Variants in PCDHAC2 observed in about 807,000 individuals in gnomAD.
PCDHAC2 encodes the protein protocadherin alpha subfamily C, 2.
PCDHAC2 carries 24 observed loss-of-function variants against 63.3 expected under a neutral mutation model. That is an observed-to-expected ratio of 0.38 (90% CI 0.27 to 0.53). The LOEUF (loss-of-function observed/expected upper bound fraction) is 0.53, where lower values mean the gene tolerates loss of function less well. Among genes scored for constraint, PCDHAC2 ranks in the 20% least tolerant of loss-of-function variants. PCDHAC2 has a pLI of 0.81. For missense variants in PCDHAC2, 1,181 were observed against 1,275.2 expected, an observed-to-expected ratio of 0.93 and a Z score of 1.12; for synonymous variants, 569 against 529.4, an observed-to-expected ratio of 1.07 and a Z score of -1.03.
Position 140,978,928 on chromosome 5 carries a change from ACT to A in PCDHAC2, c.2566-16_2566-15del. ...CATTGTCTTGTCATTTTAACAGAAA[ACT>A]CTCTTTGTGATTTTGCAGCCACGAC... On this transcript the variant is annotated intron_variant, in intron 1 of 3. Coordinates refer to ENST00000289269, the MANE Select transcript of PCDHAC2 (RefSeq NM_018899.6). The A allele has an allele frequency of 6.2e-7, 1 of 1,613,190 alleles. No homozygotes were observed. Among genetic ancestry groups the A allele is most frequent in the Admixed American group, 1.7e-5 (1 of 59,890 alleles).
chr5:141,010,327 G>A lies in PCDHAC2; in HGVS notation c.*390G>A. 2 of 1,539,744 alleles carry A rather than the reference G, an allele frequency of 1.3e-6. No individual in the cohort carries two copies. Among genetic ancestry groups the A allele is most frequent in the African/African-American group, 2.8e-5 (2 of 72,602 alleles). ...AAAGTTTTGAGATTGAGCAGCTTGG[G>A]AGTTTGTGGCCACTGGGTATGTGTG... On this transcript the variant is annotated 3_prime_UTR_variant, in exon 4 of 4. Transcript: ENST00000289269.
chr5:141,003,648 G>A lies in PCDHAC2; in HGVS notation c.2714-5979G>A, dbSNP rs1314983871. On this transcript the variant is annotated intron_variant, in intron 3 of 3. Transcript: ENST00000289269. ...GTTTTTAAAGTAGAAGTGAAGATCTGTATGCATTTATTAAAATATATGTTG... is the reference window on the plus strand; with the variant it reads ...GTTTTTAAAGTAGAAGTGAAGATCTATATGCATTTATTAAAATATATGTTG... Among the ~76,000 whole-genome samples the A allele has an allele frequency of 3.3e-5, 5 of 152,226 alleles. No individual in the cohort carries two copies. In the South Asian group the frequency reaches 6.2e-4, roughly 19 times the overall value.
chr5:140,968,029 G>A lies in PCDHAC2; in HGVS notation c.1263G>A (p.Leu421=). 6.2e-7 allele frequency: 1 copy of A among 1,614,170 alleles called. No homozygotes were observed. The highest frequency in any genetic ancestry group is 8.5e-7 in the Non-Finnish European group (1 of 1,180,036). The change falls in exon 1 of 4, where the codon CTG becomes CTA. Residue 421 remains leucine (L), a synonymous_variant. Coordinates refer to ENST00000289269, the MANE Select transcript of PCDHAC2 (RefSeq NM_018899.6). ...RLNGFGNSYT[L]VVSGPLDRER... ...ATGGCTTTGGAAACTCCTATACACT[G>A]GTGGTGAGCGGCCCACTGGACCGAG...
At chr5:141,007,280 T>G (rs946303708) in intron 3 of PCDHAC2, among the ~76,000 whole-genome samples, 1 of 151,106 alleles carries the variant, frequency 6.6e-6, no homozygotes, top group East Asian at 1.9e-4. Flanking sequence ...CTGGGTGCAG[T>G]GGGCTCATGC....
intron 3 of PCDHAC2, among the ~76,000 whole-genome samples, chr5:140,998,936 A>G (rs1328813980): frequency 6.6e-5 from 10 of 152,246 alleles, no homozygotes; most frequent in African/African-American, 2.4e-4. Flanking sequence ...TTACAGATGA[A>G]GAAACTGTAA....
At chr5:140,999,656 G>A (rs1483832540) in intron 3 of PCDHAC2, among the ~76,000 whole-genome samples, 2 of 152,148 alleles carry the variant, frequency 1.3e-5, no homozygotes, top group African/African-American at 4.8e-5. Context: ...CCTGAGCCCT[G>A]CTGGGTTGCG....
At position 140,967,026 on chromosome 5, in the gene PCDHAC2, C is replaced by G; in HGVS notation, c.260C>G (p.Pro87Arg). The G allele has an allele frequency of 1.2e-6, 2 of 1,608,434 alleles. No homozygotes were observed. The highest frequency in any genetic ancestry group is 4.5e-5 in the East Asian group (2 of 44,756). ...ATCAACCATCTGGGTGCGCCCAGTC[C>G]GCGCTACCTGGAGCTGGACCTGACG... The part of the protein sequence containing the change: ...LRINHLGAPS[P>R]RYLELDLTSG... The change falls in exon 1 of 4, where the codon CCG becomes CGG. Residue 87 changes from proline to arginine, a missense_variant. Pro to Arg is a moderately radical substitution (Grantham distance 103). Coordinates refer to ENST00000289269, the MANE Select transcript of PCDHAC2 (RefSeq NM_018899.6).
intron 2 of PCDHAC2, among the ~76,000 whole-genome samples, chr5:140,979,495 G>A (rs1405180713): frequency 6.6e-6 from 1 of 151,840 alleles, no homozygotes; most frequent in Non-Finnish European, 1.5e-5. Context: ...ACCTATTAGA[G>A]CCTCCTCATC....
rs1256461262 is a variant in PCDHAC2, at chr5:140,982,640, A to T, written c.2713+77A>T. On this transcript the variant is annotated intron_variant, in intron 3 of 3. Transcript: ENST00000289269. ...ATGACCTACTTTTGTAAGATCAGGA[A>T]TGTTGATGGCTCTTTTTCTTTTATA... 3 of 1,544,442 alleles carry T rather than the reference A, an allele frequency of 1.9e-6. No individual in the cohort carries two copies. The African/African-American group carries it at 4.2e-5, about 21-fold the overall frequency.
At chr5:140,992,019 G>C (rs1326705755) in intron 3 of PCDHAC2, among the ~76,000 whole-genome samples, 2 of 50,642 alleles carry the variant, frequency 3.9e-5, no homozygotes, top group African/African-American at 6.0e-5. Context: ...AGGTGGCTCT[G>C]TGTGTGTGTG....
rs782200456 is a variant in PCDHAC2 at position 140,968,154 on chromosome 5, A to G, written c.1388A>G (p.Asn463Ser). ...RTLKVEISDI[N>S]DNPPSFLEDS... ...CTGAAGGTTGAGATCTCTGACATCA[A>G]TGACAATCCACCAAGCTTCCTGGAG... The change falls in exon 1 of 4, where the codon AAT becomes AGT. Residue 463 changes from asparagine to serine, a missense_variant. Transcript: ENST00000289269. The G allele has an allele frequency of 3.7e-6, 6 of 1,614,162 alleles. No homozygotes were observed. Among genetic ancestry groups the G allele is most frequent in the South Asian group, 1.1e-5 (1 of 91,076 alleles).
Position 140,968,380 on chromosome 5 carries a change from C to T in PCDHAC2, c.1614C>T (p.Asp538=). Residue 538 remains aspartate (D), a synonymous_variant, in exon 1 of 4, where the codon GAC becomes GAT. Coordinates refer to ENST00000289269, the MANE Select transcript of PCDHAC2 (RefSeq NM_018899.6). ...GCCTTTATGCTGTCAACTCCTTTGA[C>T]TATGAGAAGTTTCGGGAGTTCTTTG... ...SGSLYAVNSF[D]YEKFREFFVT... 6.2e-7 allele frequency: 1 copy of T among 1,614,072 alleles called. No individual in the cohort carries two copies. Among genetic ancestry groups the T allele is most frequent in the Non-Finnish European group, 8.5e-7 (1 of 1,180,032 alleles).
intron 3 of PCDHAC2, 39 bp from the exon 4 acceptor site, chr5:141,009,588 G>A: frequency 6.3e-7 from 1 of 1,598,586 alleles, no homozygotes; most frequent in Non-Finnish European, 8.5e-7. Context: ...AAGAGCATGT[G>A]TTGACCCTGT....
At chr5:141,008,299 C>T (rs1223779122) in intron 3 of PCDHAC2, among the ~76,000 whole-genome samples, 2 of 152,120 alleles carry the variant, frequency 1.3e-5, no homozygotes, top group Non-Finnish European at 2.9e-5. Flanking sequence ...TGTACCCAAC[C>T]CTAAACTGTA....
chr5:141,007,935 C>G (rs2098352677), intron 3 of PCDHAC2, among the ~76,000 whole-genome samples: 1 of 152,176 alleles, frequency 6.6e-6, no homozygotes, highest in African/African-American at 2.4e-5. Flanking sequence ...GAATTCTAAG[C>G]CACCTTTTTG....
chr5:140,989,686 C>T (rs534780216), intron 3 of PCDHAC2, among the ~76,000 whole-genome samples: 2 of 152,254 alleles, frequency 1.3e-5, no homozygotes, highest in African/African-American at 4.8e-5. Flanking sequence ...TTCAAAGGAA[C>T]GTGAAAATTT....
chr5:140,973,362 A>G (rs2096583702), intron 1 of PCDHAC2, among the ~76,000 whole-genome samples: 1 of 152,256 alleles, frequency 6.6e-6, no homozygotes, highest in Non-Finnish European at 1.5e-5. Flanking sequence ...ATTTATAAAA[A>G]TTGCACAATG....
intron 2 of PCDHAC2, among the ~76,000 whole-genome samples, chr5:140,980,413 T>C (rs1218867656): frequency 6.6e-6 from 1 of 152,086 alleles, no homozygotes; most frequent in Admixed American, 6.6e-5. Context: ...GGGCAGATCA[T>C]GAGGTCAAGA....
intron 1 of PCDHAC2, among the ~76,000 whole-genome samples, chr5:140,972,578 C>A (rs1554234223): frequency 6.6e-6 from 1 of 151,798 alleles, no homozygotes; most frequent in Non-Finnish European, 1.5e-5. Flanking sequence ...GGCAATAGGG[C>A]AGAATTTCTC....
Sources: gnomAD v4.1 joint callset for allele counts (sites outside exome capture counted in the v4.1 genomes callset) on GRCh38, gnomAD v4.1.1 for gene constraint, MANE v1.5 for transcripts, NCBI Gene and HGNC (gene_info 2026-07-23, HGNC 2026-07-21) for gene names.